SLC26A7: variants seen among roughly 807,000 people sequenced by gnomAD.
SLC26A7 encodes the protein solute carrier family 26 member 7, also known as anion exchange transporter.
Under a neutral mutation model 82.5 loss-of-function variants are expected in SLC26A7, and 59 were observed. The observed-to-expected ratio is 0.72, with a 90% CI of 0.58 to 0.89. The LOEUF is 0.89. Ranked by LOEUF, SLC26A7 falls within the 40% of genes least tolerant of loss-of-function variation. SLC26A7 has a pLI of 0.00. For missense variants in SLC26A7, 820 were observed against 793.0 expected (o/e 1.03, Z -0.41); for synonymous variants, 271 against 274.3 (o/e 0.99, Z 0.12).
chr8:91,245,608 G>A (rs889668843), upstream of SLC26A7, among the ~76,000 whole-genome samples: 10 of 152,060 alleles, frequency 6.6e-5, no homozygotes, highest in Non-Finnish European at 1.2e-4. Flanking sequence ...AACTTCCAAT[G>A]TCTGATCTAT....
Position 91,343,295 on chromosome 8 carries a change from T to C in SLC26A7, c.1027-58T>C, listed in dbSNP as rs189392150. 4,638 of 1,072,634 alleles carry C rather than the reference T, an allele frequency of 4.3e-3. 21 individuals carry two copies. Among genetic ancestry groups the C allele is most frequent in the Non-Finnish European group, 5.8e-3 (4,209 of 722,268 alleles). The allele number at this position is 1,072,634 out of a possible 1,614,324, so 66.4% of individuals were successfully genotyped here. ...CTCATTATGTGACAAATTGTACCTG[T>C]GGTCTCTAAAAGTCTATTGTGATTA... is the stretch of plus-strand genomic sequence containing the variant. On this transcript the variant is annotated intron_variant, in intron 8 of 18. Transcript: ENST00000276609.
At chr8:91,343,719 G>A (rs1813483044) in intron 9 of SLC26A7, among the ~76,000 whole-genome samples, 1 of 152,136 alleles carries the variant, frequency 6.6e-6, no homozygotes, top group Non-Finnish European at 1.5e-5. Context: ...CAACCTTAGA[G>A]GCCAAAGCTC....
intron 2 of SLC26A7, among the ~76,000 whole-genome samples, chr8:91,259,264 T>G (rs780649670): frequency 6.6e-6 from 1 of 152,114 alleles, no homozygotes; most frequent in Non-Finnish European, 1.5e-5. Context: ...GACTTTTGCC[T>G]GCACCCTTTA....
At chr8:91,234,105 T>C (rs1273728280) in intron 2 of SLC26A7, among the ~76,000 whole-genome samples, 1 of 152,228 alleles carries the variant, frequency 6.6e-6, no homozygotes, top group Non-Finnish European at 1.5e-5. Context: ...TAGTTTAATT[T>C]CTTTTTCACT....
At chr8:91,283,114 C>T (rs1811618574) in intron 2 of SLC26A7, among the ~76,000 whole-genome samples, 1 of 152,114 alleles carries the variant, frequency 6.6e-6, no homozygotes, top group Non-Finnish European at 1.5e-5. Context: ...GTAAGGAAAA[C>T]TCGACTTTTA....
chr8:91,323,755 C>G (rs979393488), intron 5 of SLC26A7, among the ~76,000 whole-genome samples: 1 of 151,552 alleles, frequency 6.6e-6, no homozygotes, highest in African/African-American at 2.4e-5. Context: ...TTTGTTTGTA[C>G]TGATAAAAAT....
chr8:91,250,147 A>G (rs1045160954), intron 2 of SLC26A7, among the ~76,000 whole-genome samples: 4 of 152,078 alleles, frequency 2.6e-5, no homozygotes, highest in African/African-American at 4.8e-5. Context: ...TTATAACATG[A>G]TCTTATGGAT....
intron 11 of SLC26A7, among the ~76,000 whole-genome samples, chr8:91,358,756 C>A (rs894078296): frequency 1.3e-5 from 2 of 152,216 alleles, no homozygotes; most frequent in South Asian, 2.1e-4. Flanking sequence ...CAGCCATAAA[C>A]AATGATGAGT....
At chr8:91,331,936 C>T (rs1004386253) in intron 5 of SLC26A7, among the ~76,000 whole-genome samples, 1 of 151,476 alleles carries the variant, frequency 6.6e-6, no homozygotes, top group African/African-American at 2.4e-5. Flanking sequence ...GTTTATTGAC[C>T]ATTTGTATTT....
chr8:91,381,248 A>C (rs1012685314), intron 15 of SLC26A7, among the ~76,000 whole-genome samples: 52 of 152,152 alleles, frequency 3.4e-4, no homozygotes, highest in African/African-American at 1.1e-3. Context: ...CAATGGACAA[A>C]TAATATGTAG....
intron 2 of SLC26A7, among the ~76,000 whole-genome samples, chr8:91,264,582 T>C (rs530163447): frequency 3.3e-4 from 50 of 152,066 alleles, no homozygotes; most frequent in African/African-American, 1.2e-3. Flanking sequence ...GTCCTCCCCA[T>C]GATGTTGTTT....
At chr8:91,273,518 A>G (rs901189411) in intron 2 of SLC26A7, among the ~76,000 whole-genome samples, 2 of 152,190 alleles carry the variant, frequency 1.3e-5, no homozygotes, top group Admixed American at 6.5e-5. Flanking sequence ...AAAGGTATTG[A>G]CAGGGCCAAA....
chr8:91,310,268 G>C (rs1350526935), intron 4 of SLC26A7, among the ~76,000 whole-genome samples: 1 of 152,046 alleles, frequency 6.6e-6, no homozygotes, highest in East Asian at 1.9e-4. Flanking sequence ...AATTTTTTTG[G>C]AGAAAATGGA....
Position 91,395,329 on chromosome 8 carries a change from T to G in SLC26A7, c.*232T>G, listed in dbSNP as rs1586488771. The stretch of plus-strand genomic sequence containing the variant: ...ATTTTATGTAAAAATCAGTATGTGT[T>G]TAGTTTTAGTGTACTGAAGGGTAAA... On this transcript the variant is annotated 3_prime_UTR_variant, in exon 19 of 19. Coordinates refer to ENST00000276609, the MANE Select transcript of SLC26A7 (RefSeq NM_052832.4). 1.8e-6 allele frequency: 2 copies of G among 1,084,730 alleles called. No homozygotes were observed. Among genetic ancestry groups the G allele is most frequent in the East Asian group, 6.0e-5 (2 of 33,520 alleles). The allele number at this position is 1,084,730 out of a possible 1,614,324, so 67.2% of individuals were successfully genotyped here.
intron 6 of SLC26A7, among the ~76,000 whole-genome samples, chr8:91,336,607 A>C (rs7000829): frequency 0.17 from 25,552 of 151,960 alleles, 2,514 homozygotes; most frequent in Middle Eastern, 0.27. Context: ...CTAAAGCACT[A>C]GTCACACCTG....
intron 2 of SLC26A7, among the ~76,000 whole-genome samples, chr8:91,268,921 C>G (rs549939815): frequency 6.2e-4 from 86 of 138,556 alleles, no homozygotes; most frequent in Middle Eastern, 7.4e-3. Context: ...AAACTGATAC[C>G]AACTTAATCT....
chr8:91,393,965 G>C lies in SLC26A7; in HGVS notation c.1861G>C (p.Gly621Arg). 1 of 1,613,552 alleles carries C rather than the reference G, an allele frequency of 6.2e-7. No homozygotes were observed. The highest frequency in any genetic ancestry group is 2.2e-5 in the East Asian group (1 of 44,860). The change falls in exon 18 of 19, where the codon GGA (glycine) becomes CGA (arginine). Residue 621 changes from glycine to arginine, a missense_variant. Transcript: ENST00000276609. ...ASLIKAMTYYGNLDSEKPIFF... is the reference protein window; with the variant it reads ...ASLIKAMTYYRNLDSEKPIFF... Reference sequence around the variant, plus strand: ...CTTGATAAAAGCAATGACGTATTATGGAAACCTAGACTCAGAGAAACCAAT... The same window carrying C: ...CTTGATAAAAGCAATGACGTATTATCGAAACCTAGACTCAGAGAAACCAAT...
At chr8:91,288,096 C>T (rs190237612) in intron 2 of SLC26A7, among the ~76,000 whole-genome samples, 169 of 152,204 alleles carry the variant, frequency 1.1e-3, no homozygotes, top group Non-Finnish European at 1.9e-3. Context: ...AAGATAACTA[C>T]GGAGCTTATT....
At chr8:91,269,967 T>G (rs1358520660) in intron 2 of SLC26A7, among the ~76,000 whole-genome samples, 2 of 152,110 alleles carry the variant, frequency 1.3e-5, no homozygotes, top group Non-Finnish European at 2.9e-5. Context: ...AAATTTCTCA[T>G]TTTCTTCCTG....
Sources: allele counts gnomAD v4.1 joint callset (sites outside exome capture counted in the v4.1 genomes callset), GRCh38; gene constraint gnomAD v4.1.1; transcripts MANE v1.5; gene names NCBI Gene and HGNC (gene_info 2026-07-23, HGNC 2026-07-21).